Variants in CLVS1 observed in about 807,000 individuals in gnomAD.
CLVS1 encodes the protein clavesin-1.
Under a neutral mutation model 33.1 loss-of-function variants are expected in CLVS1, and 10 were observed. That is an observed-to-expected ratio of 0.30 (90% CI 0.19 to 0.51). CLVS1 has a LOEUF of 0.51. Among genes scored for constraint, CLVS1 ranks in the 20% least tolerant of loss-of-function variants. CLVS1 has a pLI of 0.97. For synonymous variants in CLVS1, 163 were observed against 166.1 expected (o/e 0.98, Z 0.14); for missense variants, 343 against 433.4 (o/e 0.79, Z 1.85).
At chr8:61,183,239 G>T (rs1251540930) in intron 2 of CLVS1, among the ~76,000 whole-genome samples, 6 of 152,112 alleles carry the variant, frequency 3.9e-5, no homozygotes. Context: ...TGGGTTCATA[G>T]GTTCAGCAAA....
At chr8:61,289,732 C>G (rs1809914207) in intron 1 of CLVS1, among the ~76,000 whole-genome samples, 1 of 152,174 alleles carries the variant, frequency 6.6e-6, no homozygotes, top group Admixed American at 6.5e-5. Flanking sequence ...CCATTAGAGG[C>G]ATTGTCGAAA....
At chr8:61,480,399 C>A (rs1263590826) in intron 5 of CLVS1, among the ~76,000 whole-genome samples, 2 of 152,214 alleles carry the variant, frequency 1.3e-5, no homozygotes, top group African/African-American at 4.8e-5. Context: ...AGGATATAAT[C>A]TCTTGGTGTG....
At chr8:61,075,220 C>A (rs1053452887) in intron 1 of CLVS1, among the ~76,000 whole-genome samples, 1 of 152,132 alleles carries the variant, frequency 6.6e-6, no homozygotes, top group East Asian at 1.9e-4. Context: ...GCTATTTTCA[C>A]GTAGCAGTCA....
intron 2 of CLVS1, among the ~76,000 whole-genome samples, chr8:61,339,324 G>A (rs924954737): frequency 4.6e-5 from 7 of 152,180 alleles, no homozygotes; most frequent in African/African-American, 1.7e-4. Context: ...CACATGGACA[G>A]AGCCTCAAGG....
intron 2 of CLVS1, among the ~76,000 whole-genome samples, chr8:61,338,085 C>T (rs896209675): frequency 1.3e-5 from 2 of 152,112 alleles, no homozygotes; most frequent in African/African-American, 4.8e-5. Flanking sequence ...GTCTTTATGT[C>T]CTCAGGAAAA....
At chr8:61,237,382 A>G (rs1158565242) in intron 2 of CLVS1, among the ~76,000 whole-genome samples, 3 of 152,184 alleles carry the variant, frequency 2.0e-5, no homozygotes, top group Non-Finnish European at 4.4e-5. Context: ...CAGGAGTTTG[A>G]GGTGGCAGTG....
At chr8:61,317,131 C>T (rs1811040743) in intron 2 of CLVS1, among the ~76,000 whole-genome samples, 1 of 152,102 alleles carries the variant, frequency 6.6e-6, no homozygotes, top group South Asian at 2.1e-4. Context: ...TTATAAACAA[C>T]AGAAACTTAT....
At chr8:60,996,613 C>T in the CLVS1 span, among the ~76,000 whole-genome samples, 1 of 152,230 alleles carries the variant, frequency 6.6e-6, no homozygotes, top group East Asian at 1.9e-4. Context: ...GGCCTCTATT[C>T]TCTTTCTTCT....
intron 5 of CLVS1, among the ~76,000 whole-genome samples, chr8:61,489,946 A>G (rs75271478): frequency 0.087 from 13,257 of 152,282 alleles, 668 homozygotes; most frequent in Non-Finnish European, 0.12. Flanking sequence ...TAAAGAAACT[A>G]AAACGTTTTT....
chr8:61,059,333 C>A (rs1439361783), intron 1 of CLVS1, among the ~76,000 whole-genome samples: 1 of 151,220 alleles, frequency 6.6e-6, no homozygotes, highest in Non-Finnish European at 1.5e-5. Flanking sequence ...ATCTGTCTGT[C>A]TTTCTTGGTA....
In CLVS1 at chr8:61,186,564, C is replaced by T. The variant is rs143078830; in HGVS notation, c.-152+54704C>T. 5.6e-4 allele frequency among the ~76,000 whole-genome samples: 85 copies of T among 152,154 alleles called. No homozygotes were observed. In the Middle Eastern group the frequency reaches 0.014, roughly 24 times the overall value. On this transcript the variant is annotated intron_variant, in intron 2 of 2. Coordinates refer to the CLVS1 transcript ENST00000522621. ...AATCAAACTGCCTTTCCTCCCATGACCCACCCTTGTGGTTTTGCTAGGTGG... is the reference window on the plus strand; with the variant it reads ...AATCAAACTGCCTTTCCTCCCATGATCCACCCTTGTGGTTTTGCTAGGTGG...
At chr8:61,278,430 T>A (rs1809604560) in intron 2 of CLVS1, among the ~76,000 whole-genome samples, 1 of 152,254 alleles carries the variant, frequency 6.6e-6, no homozygotes, top group African/African-American at 2.4e-5. Flanking sequence ...CCTCTACAAT[T>A]TTAAAAGGAT....
At chr8:61,481,626 G>A (rs921299326) in intron 5 of CLVS1, among the ~76,000 whole-genome samples, 6 of 152,208 alleles carry the variant, frequency 3.9e-5, no homozygotes, top group Non-Finnish European at 5.9e-5. Flanking sequence ...AGATCAAACT[G>A]CAAGGTGGCA....
At chr8:61,436,418 G>A (rs1364547151) in intron 3 of CLVS1, among the ~76,000 whole-genome samples, 1 of 152,052 alleles carries the variant, frequency 6.6e-6, no homozygotes, top group African/African-American at 2.4e-5. Context: ...CTACATCACT[G>A]CAACTGCTCT....
chr8:61,059,789 C>A (rs1316715299), intron 1 of CLVS1, among the ~76,000 whole-genome samples: 4 of 150,300 alleles, frequency 2.7e-5, no homozygotes, highest in Admixed American at 6.6e-5. Context: ...CCAGCCAGGG[C>A]AACAGAGCGG....
chr8:61,259,925 A>G (rs2129592149), intron 2 of CLVS1, among the ~76,000 whole-genome samples: 1 of 152,208 alleles, frequency 6.6e-6, no homozygotes, highest in South Asian at 2.1e-4. Flanking sequence ...CTGCAGCACC[A>G]CCTTACATTT....
chr8:61,235,017 T>C (rs1808526205), intron 2 of CLVS1, among the ~76,000 whole-genome samples: 1 of 152,182 alleles, frequency 6.6e-6, no homozygotes, highest in Non-Finnish European at 1.5e-5. Flanking sequence ...TGAGTGATGC[T>C]TTTTCTGACT....
At chr8:61,301,872 G>A (rs1810450510) in intron 2 of CLVS1, among the ~76,000 whole-genome samples, 1 of 152,144 alleles carries the variant, frequency 6.6e-6, no homozygotes, top group Admixed American at 6.5e-5. Flanking sequence ...TGTCTTTGGT[G>A]CATGGCGCAA....
intron 2 of CLVS1, among the ~76,000 whole-genome samples, chr8:61,220,477 G>A (rs1808184124): frequency 6.6e-6 from 1 of 152,076 alleles, no homozygotes; most frequent in African/African-American, 2.4e-5. Context: ...GTAGATGAGT[G>A]GTGTTATTTC....
Sources: gnomAD v4.1 joint callset for allele counts (sites outside exome capture counted in the v4.1 genomes callset) on GRCh38, gnomAD v4.1.1 for gene constraint, MANE v1.5 for transcripts, NCBI Gene and HGNC (gene_info 2026-07-23, HGNC 2026-07-21) for gene names.